GPC5: variants seen among roughly 807,000 people sequenced by gnomAD.
The protein encoded by GPC5 is glypican 5.
Under a neutral mutation model 53.9 loss-of-function variants are expected in GPC5, and 47 were observed. That is an observed-to-expected ratio of 0.87 (90% CI 0.69 to 1.11). The LOEUF (loss-of-function observed/expected upper bound fraction) is 1.11. GPC5 is among the 50% of genes most tolerant of loss of function. The pLI is 0.00. For missense variants in GPC5, 748 were observed against 713.1 expected (o/e 1.05, Z -0.56); for synonymous variants, 286 against 263.3 (o/e 1.09, Z -0.84).
chr13:92,497,950 G>A (rs55803730), intron 7 of GPC5, among the ~76,000 whole-genome samples: 25,096 of 151,892 alleles, frequency 0.17, 2,043 homozygotes, highest in South Asian at 0.21. Context: ...TTTGTATCCT[G>A]AGACTGCTGA....
chr13:92,572,639 T>C (rs990921873), intron 7 of GPC5, among the ~76,000 whole-genome samples: 8 of 152,204 alleles, frequency 5.3e-5, no homozygotes, highest in African/African-American at 1.9e-4. Context: ...GCTCTAATAA[T>C]CCTTTAAGAA....
intron 7 of GPC5, among the ~76,000 whole-genome samples, chr13:92,614,419 G>A (rs998058316): frequency 1.3e-5 from 2 of 152,122 alleles, no homozygotes; most frequent in Admixed American, 1.3e-4. Context: ...AATGTGGTAA[G>A]TTGAACCATT....
intron 7 of GPC5, among the ~76,000 whole-genome samples, chr13:92,366,046 C>T (rs773072104): frequency 2.0e-5 from 3 of 151,528 alleles, no homozygotes; most frequent in African/African-American, 4.9e-5. Context: ...AGTGGCAGAG[C>T]AGTAGGTTTG....
At chr13:92,095,998 T>G (rs2041419338) in intron 6 of GPC5, among the ~76,000 whole-genome samples, 1 of 152,236 alleles carries the variant, frequency 6.6e-6, no homozygotes. Flanking sequence ...TCATGAGGCA[T>G]GTAGGTGGCA....
At chr13:92,119,357 A>G (rs1198739000) in intron 6 of GPC5, among the ~76,000 whole-genome samples, 1 of 149,088 alleles carries the variant, frequency 6.7e-6, no homozygotes, top group Admixed American at 6.7e-5. Context: ...CAGTCAAATC[A>G]TATCACCTAT....
intron 5 of GPC5, among the ~76,000 whole-genome samples, chr13:91,769,107 C>T (rs1170985377): frequency 6.6e-6 from 1 of 152,100 alleles, no homozygotes; most frequent in African/African-American, 2.4e-5. Flanking sequence ...ACAGGGAATG[C>T]TACTAGGCTG....
At chr13:92,072,036 A>T (rs2138866762) in intron 6 of GPC5, among the ~76,000 whole-genome samples, 1 of 146,374 alleles carries the variant, frequency 6.8e-6, no homozygotes. Context: ...TGTATATAAA[A>T]TAATACATTT....
chr13:91,647,748 A>G (rs2034596677), intron 2 of GPC5, among the ~76,000 whole-genome samples: 1 of 152,120 alleles, frequency 6.6e-6, no homozygotes, highest in Non-Finnish European at 1.5e-5. Flanking sequence ...TGCCTGTAGC[A>G]TGGTCTGAAA....
intron 5 of GPC5, among the ~76,000 whole-genome samples, chr13:91,907,461 A>T (rs1408802532): frequency 7.0e-6 from 1 of 142,884 alleles, no homozygotes; most frequent in Non-Finnish European, 1.5e-5. Flanking sequence ...ATACTACTAT[A>T]TAATATAGAT....
intron 7 of GPC5, among the ~76,000 whole-genome samples, chr13:92,306,367 A>G (rs187257989): frequency 2.6e-5 from 4 of 152,296 alleles, no homozygotes; most frequent in African/African-American, 9.6e-5. Flanking sequence ...TTAACAGGCT[A>G]AGAAAGGAAA....
At chr13:91,792,757 CT>C (rs1594568593) in intron 5 of GPC5, among the ~76,000 whole-genome samples, 1 of 152,154 alleles carries the variant, frequency 6.6e-6, no homozygotes, top group Non-Finnish European at 1.5e-5. Context: ...TTCTGCATTT[CT>C]TTGGCTTCGA....
chr13:91,747,640 G>GTT lies in GPC5; in HGVS notation c.1155-8655_1155-8654insTT, dbSNP rs1566656857. On this transcript the variant is annotated intron_variant, in intron 4 of 7. Transcript: ENST00000377067. ...TTTTTGTCATTGTAGCGATGTATCTGGTTTTTTTTTTTCTAATCTAACAAT... is the reference window on the plus strand; with the variant it reads ...TTTTTGTCATTGTAGCGATGTATCTGTTGTTTTTTTTTTTCTAATCTAACAAT... Among the ~76,000 whole-genome samples the GTT allele has an allele frequency of 5.6e-4, 37 of 66,150 alleles. No individual in the cohort carries two copies. The Middle Eastern group carries it at 0.029, about 53-fold the overall frequency. 43.4% of individuals were successfully genotyped at this position (66,150 alleles called of 152,430 possible).
At position 92,866,287 on chromosome 13, in the gene GPC5, C is replaced by T; in HGVS notation, c.1567C>T (p.Pro523Ser). ...KRTLKITDWMPDDMNFSDVKQ... is the reference protein window; with the variant it reads ...KRTLKITDWMSDDMNFSDVKQ... ...TTTCTTATTTGCCTCTACAGGGATG[C>T]CAGATGATATGAACTTCAGTGATGT... Residue 523 changes from proline to serine, a missense_variant, in exon 8 of 8, where the codon CCA becomes TCA. Physicochemically the swap from Pro to Ser is moderately conservative, Grantham distance 74. Coordinates refer to ENST00000377067, the MANE Select transcript of GPC5 (RefSeq NM_004466.6). 1.2e-6 allele frequency: 2 copies of T among 1,608,506 alleles called. No individual in the cohort carries two copies. The highest frequency in any genetic ancestry group is 1.7e-6 in the Non-Finnish European group (2 of 1,176,608).
At chr13:92,670,438 A>C (rs2139204214) in intron 7 of GPC5, among the ~76,000 whole-genome samples, 2 of 152,290 alleles carry the variant, frequency 1.3e-5, no homozygotes, top group African/African-American at 4.8e-5. Flanking sequence ...GTGCATGCAA[A>C]AGTAGTTTCT....
At chr13:92,226,022 G>A (rs1365556787) in intron 7 of GPC5, among the ~76,000 whole-genome samples, 1 of 152,146 alleles carries the variant, frequency 6.6e-6, no homozygotes, top group East Asian at 1.9e-4. Context: ...GGATCATGGA[G>A]GTGGATTTCC....
intron 2 of GPC5, among the ~76,000 whole-genome samples, chr13:91,473,856 A>C (rs889338688): frequency 6.6e-6 from 1 of 152,160 alleles, no homozygotes; most frequent in Non-Finnish European, 1.5e-5. Context: ...CTAAGCTATC[A>C]ATTTTATAGA....
chr13:92,633,344 A>T (rs2139136407), intron 7 of GPC5, among the ~76,000 whole-genome samples: 1 of 147,032 alleles, frequency 6.8e-6, no homozygotes, highest in East Asian at 2.1e-4. Context: ...TTTGATAAAA[A>T]GTTAAGAATC....
At chr13:91,764,275 C>G (rs1445536086) in intron 5 of GPC5, among the ~76,000 whole-genome samples, 2 of 152,138 alleles carry the variant, frequency 1.3e-5, no homozygotes, top group Admixed American at 6.5e-5. Context: ...TCTAAAAATG[C>G]TCTATGAATG....
chr13:92,320,689 A>G (rs988683784), intron 7 of GPC5, among the ~76,000 whole-genome samples: 4 of 152,190 alleles, frequency 2.6e-5, no homozygotes, highest in Non-Finnish European at 5.9e-5. Context: ...TCAAAGCGGC[A>G]ACCTTCTTAT....
Sources: allele counts gnomAD v4.1 joint callset (sites outside exome capture counted in the v4.1 genomes callset), GRCh38; gene constraint gnomAD v4.1.1; transcripts MANE v1.5; gene names NCBI Gene and HGNC (gene_info 2026-07-23, HGNC 2026-07-21).